The following MAP3K15 variants were observed in gnomAD, a reference collection of about 807,000 sequenced individuals.
MAP3K15 encodes the protein MAPK/ERK kinase kinase 15.
A neutral mutation model predicts 99.5 loss-of-function variants in MAP3K15; 124 were observed. That is an observed-to-expected ratio of 1.25 (90% CI 1.08 to 1.45). The LOEUF is 1.45. Ranked by LOEUF, MAP3K15 falls within the 40% of genes most tolerant of loss-of-function variation. The pLI is 0.00. For missense variants in MAP3K15, 1,242 were observed against 1,079.7 expected (o/e 1.15, Z -2.11); for synonymous variants, 494 against 439.6 (o/e 1.12, Z -1.55).
At chrX:19,505,219 C>T (rs1460034681) in intron 1 of MAP3K15, among the ~76,000 whole-genome samples, 1 of 108,720 alleles carries the variant, frequency 9.2e-6, no homozygotes, top group African/African-American at 3.4e-5. Flanking sequence ...CCCACAGCAG[C>T]ATAGAGGGGG....
In MAP3K15 at chrX:19,459,998, T is replaced by A. The variant is rs1569232190; in HGVS notation, c.875A>T (p.Tyr292Phe). The change falls in exon 5 of 29, where the codon TAC becomes TTC. Residue 292 changes from tyrosine to phenylalanine, a missense_variant. Tyr to Phe is a conservative substitution (Grantham distance 22). Coordinates refer to ENST00000338883, the MANE Select transcript of MAP3K15 (RefSeq NM_001001671.4). ...TGGATTTCATACCTGGATATCACGG[T>A]AGGACAGGAGTAAGTTAATGATGAT... ...SDIIINLLLS[Y>F]RDIQDYDAMV... 8.6e-7 allele frequency: 1 copy of A among 1,159,783 alleles called. No homozygotes were observed. The highest frequency in any genetic ancestry group is 2.4e-4 in the Middle Eastern group (1 of 4,180).
In MAP3K15 at chrX:19,374,684, G is replaced by A. The variant is rs1039927182; in HGVS notation, c.2590-24C>T. On this transcript the variant is annotated intron_variant, in intron 19 of 28. Transcript: ENST00000338883. ...ACCTGCATTTAAGGGAGAGGTAACC[G>A]ATGTGTCAGTGAGGCCTTGGGTGAA... is the stretch of plus-strand genomic sequence containing the variant. 11 of 1,184,546 alleles carry A rather than the reference G, an allele frequency of 9.3e-6. No individual in the cohort carries two copies. In the African/African-American group the frequency reaches 1.2e-4, roughly 13 times the overall value.
intron 25 of MAP3K15, among the ~76,000 whole-genome samples, 163 bp downstream of exon 25, chrX:19,368,891 G>A (rs2063354599): frequency 9.7e-6 from 1 of 103,526 alleles, no homozygotes; most frequent in Non-Finnish European, 2.0e-5. Flanking sequence ...TCCCTCAATT[G>A]AGGCTGAGAA....
At chrX:19,452,386 A>G (rs985236808) in intron 6 of MAP3K15, among the ~76,000 whole-genome samples, 505 of 18,331 alleles carry the variant, frequency 0.028, 22 homozygotes, top group Admixed American at 0.058. Flanking sequence ...GAGAAAAGAA[A>G]AGAGAAAAGA....
chrX:19,496,851 T>C (rs1373211142), intron 1 of MAP3K15: 4 of 111,989 alleles, frequency 3.6e-5, no homozygotes, highest in African/African-American at 6.5e-5. Context: ...ACCCATTCTG[T>C]GCTCTACGTT....
chrX:19,477,645 G>C (rs781358234), intron 3 of MAP3K15, among the ~76,000 whole-genome samples: 4 of 87,051 alleles, frequency 4.6e-5, no homozygotes, highest in Non-Finnish European at 9.0e-5. Flanking sequence ...GGGAGGTGGA[G>C]GTTGCAATGA....
At chrX:19,426,985 A>C (rs2063837974) in intron 7 of MAP3K15, among the ~76,000 whole-genome samples, 1 of 110,066 alleles carries the variant, frequency 9.1e-6, no homozygotes, top group South Asian at 3.9e-4. Context: ...AATCAATTCT[A>C]ATCCTACTCC....
At chrX:19,371,201 T>C in intron 23 of MAP3K15, 137 bp from the exon 24 acceptor site, 2 of 812,740 alleles carry the variant, frequency 2.5e-6, no homozygotes, top group East Asian at 6.5e-5. Context: ...CCAGATGCCA[T>C]TTCCTGGACT....
intron 1 of MAP3K15, among the ~76,000 whole-genome samples, chrX:19,494,183 AG>A (rs1194707812): frequency 1.8e-5 from 2 of 111,206 alleles, no homozygotes; most frequent in Non-Finnish European, 3.8e-5. Context: ...AAGTGATACC[AG>A]GCATGGTGGC....
chrX:19,483,524 C>T (rs1454436672), intron 3 of MAP3K15, among the ~76,000 whole-genome samples: 1 of 110,492 alleles, frequency 9.1e-6, no homozygotes, highest in Non-Finnish European at 1.9e-5. Flanking sequence ...GCATCTAATT[C>T]GTACCCCTTA....
chrX:19,409,363 C>T lies in MAP3K15; in HGVS notation c.1748+561G>A, dbSNP rs181777433. On this transcript the variant is annotated intron_variant, in intron 12 of 28. Transcript: ENST00000338883. ...TCTACTTCACAGCCAGTCTCACCCT[C>T]GAATGAGCTGCCAGGGTGACAAGTG... Among the ~76,000 whole-genome samples the T allele has an allele frequency of 4.0e-3, 451 of 112,022 alleles. 3 individuals are homozygous for T. The highest frequency in any genetic ancestry group is 0.014 in the African/African-American group (434 of 30,865).
intron 6 of MAP3K15, among the ~76,000 whole-genome samples, chrX:19,456,467 G>A (rs2064093655): frequency 8.9e-6 from 1 of 112,271 alleles, no homozygotes; most frequent in South Asian, 3.7e-4. Context: ...CACCTATGGA[G>A]GGGTTAAGGA....
At chrX:19,460,772 T>A (rs1283220189) in intron 4 of MAP3K15, among the ~76,000 whole-genome samples, 1 of 109,197 alleles carries the variant, frequency 9.2e-6, no homozygotes, top group Non-Finnish European at 1.9e-5. Flanking sequence ...TTTTTTTTTT[T>A]TTATTTTTAT....
At chrX:19,445,739 G>T (rs1262254648) in intron 6 of MAP3K15, among the ~76,000 whole-genome samples, 2 of 109,550 alleles carry the variant, frequency 1.8e-5, no homozygotes, top group Non-Finnish European at 3.8e-5. Context: ...ATGAGGTCAG[G>T]AGTTCGAGAC....
chrX:19,446,417 T>C (rs1296275252), intron 6 of MAP3K15, among the ~76,000 whole-genome samples: 1 of 111,890 alleles, frequency 8.9e-6, no homozygotes, highest in East Asian at 2.8e-4. Context: ...AATCACTCTC[T>C]CTCTCTCTCT....
chrX:19,512,642 C>CTTTTTTTT (rs896407684), intron 1 of MAP3K15, among the ~76,000 whole-genome samples: 3 of 71,250 alleles, frequency 4.2e-5, no homozygotes, highest in African/African-American at 1.3e-4. Flanking sequence ...CCACATCCTG[C>CTTTTTTTT]TTTTTTTTTT....
At chrX:19,420,962 G>T (rs1175197420) in intron 9 of MAP3K15, among the ~76,000 whole-genome samples, 4 of 111,185 alleles carry the variant, frequency 3.6e-5, no homozygotes, top group Non-Finnish European at 7.5e-5. Flanking sequence ...TGCAGAAAAG[G>T]CCTTTGACAA....
intron 6 of MAP3K15, among the ~76,000 whole-genome samples, chrX:19,455,875 G>A (rs759476044): frequency 1.6e-4 from 18 of 110,725 alleles, no homozygotes; most frequent in South Asian, 3.9e-4. Flanking sequence ...AACCTCAGGC[G>A]TGATGGCTCA....
intron 13 of MAP3K15, among the ~76,000 whole-genome samples, chrX:19,402,481 A>G (rs1174058223): frequency 1.8e-5 from 2 of 110,828 alleles, no homozygotes; most frequent in Non-Finnish European, 3.8e-5. Flanking sequence ...TATATACTCA[A>G]TAGAAATCAA....
Sources: gnomAD v4.1 joint callset for allele counts (sites outside exome capture counted in the v4.1 genomes callset) on GRCh38, gnomAD v4.1.1 for gene constraint, MANE v1.5 for transcripts, NCBI Gene and HGNC (gene_info 2026-07-23, HGNC 2026-07-21) for gene names.